The following CYREN variants were observed in gnomAD, a reference collection of about 807,000 sequenced individuals.
CYREN encodes the protein cell cycle regulator of NHEJ.
CYREN carries 7 observed loss-of-function variants against 9.7 expected under a neutral mutation model. The observed-to-expected ratio is 0.72, with a 90% CI of 0.41 to 1.36. The LOEUF (loss-of-function observed/expected upper bound fraction) is 1.36, where lower values mean the gene tolerates loss of function less well. Among genes scored for constraint, CYREN ranks in the 40% most tolerant of loss-of-function variants. CYREN has a pLI of 0.01. For synonymous variants in CYREN, 76 were observed against 77.9 expected, an observed-to-expected ratio of 0.98 and a Z score of 0.13; for missense variants, 215 against 198.1, an observed-to-expected ratio of 1.09 and a Z score of -0.51.
At chr7:135,122,268 G>A (rs954859349) in intron 2 of CYREN, among the ~76,000 whole-genome samples, 10 of 152,240 alleles carry the variant, frequency 6.6e-5, no homozygotes, top group Admixed American at 2.6e-4. Context: ...GACTGTGGCT[G>A]ACTGTGGCCA....
At chr7:135,094,344 A>G (rs922073637) in exon 3 of CYREN, 1 of 456,584 alleles carries the variant, frequency 2.2e-6, no homozygotes, top group Non-Finnish European at 4.4e-6. Context: ...GAAGAGACAG[A>G]CGAATCCAGG....
At chr7:135,154,064 ATT>A (rs1829728049) in intron 2 of CYREN, among the ~76,000 whole-genome samples, 1 of 151,530 alleles carries the variant, frequency 6.6e-6, no homozygotes, top group South Asian at 2.1e-4. Flanking sequence ...ATCTTGGGGG[ATT>A]TTGTGTTTCC....
chr7:135,167,094 G>A, intron 3 of CYREN: 1 of 985,336 alleles, frequency 1.0e-6, no homozygotes, highest in Non-Finnish European at 1.2e-6. Flanking sequence ...CGGGAGAGAA[G>A]CAAGCAAAGG....
intron 2 of CYREN, among the ~76,000 whole-genome samples, chr7:135,108,692 T>C (rs1825147790): frequency 6.6e-6 from 1 of 152,216 alleles, no homozygotes; most frequent in South Asian, 2.1e-4. Context: ...TCTTCTTGTA[T>C]AGAATCTTGC....
rs764931199 is a variant in CYREN at position 135,151,861 on chromosome 7, G to T, written n.356+16888C>A. Among the ~76,000 whole-genome samples, 4 of 152,138 alleles carry T rather than the reference G, an allele frequency of 2.6e-5. No homozygotes were observed. The highest frequency in any genetic ancestry group is 5.9e-5 in the Non-Finnish European group (4 of 68,024). On this transcript the variant is annotated intron_variant and non_coding_transcript_variant, in intron 2 of 2. Transcript: ENST00000459937. This position sits in a 1 kb window ranked among gnomAD's most constrained non-coding sequence, Gnocchi z 4.3. ...AACCCATGCTCCTTACCACCACACT[G>T]TGCTACCTCTCAACAGGCAGCTGCA...
chr7:135,159,556 G>A (rs1410541178), intron 2 of CYREN, among the ~76,000 whole-genome samples: 1 of 152,198 alleles, frequency 6.6e-6, no homozygotes, highest in African/African-American at 2.4e-5. Context: ...ACTCTTGAGT[G>A]ACAGTGGTCA....
intron 2 of CYREN, chr7:135,128,604 TG>T: frequency 1.3e-6 from 1 of 778,648 alleles, no homozygotes; most frequent in East Asian, 2.4e-5. Flanking sequence ...ATCTGCTCTA[TG>T]GGAAGAACAC....
At chr7:135,120,542 A>G (rs1237982334) in intron 2 of CYREN, among the ~76,000 whole-genome samples, 2 of 152,252 alleles carry the variant, frequency 1.3e-5, no homozygotes, top group African/African-American at 4.8e-5. Flanking sequence ...GGAAAGAGAA[A>G]ACAAAAAACA....
chr7:135,127,256 A>G (rs1331307356), intron 2 of CYREN, among the ~76,000 whole-genome samples: 1 of 152,220 alleles, frequency 6.6e-6, no homozygotes, highest in Non-Finnish European at 1.5e-5. Flanking sequence ...GCCAACAAGC[A>G]TATGTAAAAA....
chr7:135,163,325 T>C (rs1829995926), downstream of CYREN, among the ~76,000 whole-genome samples: 1 of 152,158 alleles, frequency 6.6e-6, no homozygotes, highest in African/African-American at 2.4e-5. Flanking sequence ...GGATAAAAGG[T>C]TATCTTTTTT....
At chr7:135,161,538 GCA>G (rs1829938124), downstream of CYREN, among the ~76,000 whole-genome samples, 1 of 152,184 alleles carries the variant, frequency 6.6e-6, no homozygotes, top group African/African-American at 2.4e-5. The surrounding 1 kb of genome is among the most constrained non-coding windows in gnomAD (Gnocchi z 4.1). Context: ...CCCATTAAAA[GCA>G]CAGATATAGG....
intron 2 of CYREN, among the ~76,000 whole-genome samples, chr7:135,127,409 G>A (rs1378829878): frequency 7.2e-5 from 11 of 151,888 alleles, no homozygotes; most frequent in African/African-American, 1.9e-4. Flanking sequence ...AAAATTAGCC[G>A]GGGTGTGGTG....
chr7:135,123,584 A>T lies in CYREN; in HGVS notation n.357-29002T>A, dbSNP rs192593710. ...CATGAGAAGATCAACCCCAAGACAC[A>T]TAATCTTCAGATTCTCTAAGGTCAA... is the stretch of plus-strand genomic sequence containing the variant. On this transcript the variant is annotated intron_variant and non_coding_transcript_variant, in intron 2 of 2. Coordinates refer to the CYREN transcript ENST00000459937. 1.0e-3 allele frequency among the ~76,000 whole-genome samples: 158 copies of T among 152,290 alleles called. 6 individuals carry two copies. The highest frequency in any genetic ancestry group is 0.01 in the Admixed American group (156 of 15,296).
At chr7:135,119,597 G>A (rs912903036) in intron 2 of CYREN, among the ~76,000 whole-genome samples, 1 of 151,794 alleles carries the variant, frequency 6.6e-6, no homozygotes. Context: ...AGTCAGAGAG[G>A]CTGGGCACAG....
chr7:135,129,366 G>A lies in CYREN; in HGVS notation n.357-34784C>T, dbSNP rs1475665188. 4.4e-6 allele frequency: 4 copies of A among 899,620 alleles called. No homozygotes were observed. The African/African-American group carries it at 4.9e-5, about 11-fold the overall frequency. The allele number at this position is 899,620 out of a possible 1,614,324, so 55.7% of individuals were successfully genotyped here. On this transcript the variant is annotated intron_variant and non_coding_transcript_variant, in intron 2 of 2. Transcript: ENST00000459937. The stretch of plus-strand genomic sequence containing the variant: ...AGACTTACTAAATGAATACCTGCAA[G>A]CAGATAAGGCCAATAAAAGACTTTT...
At chr7:135,094,921 T>G (rs894058902) in intron 2 of CYREN, among the ~76,000 whole-genome samples, 2 of 152,216 alleles carry the variant, frequency 1.3e-5, no homozygotes, top group African/African-American at 2.4e-5. Context: ...CAGAATCCCT[T>G]AAAGACTGGG....
At chr7:135,167,212 C>T (rs999361613) in intron 3 of CYREN, 49 of 985,278 alleles carry the variant, frequency 5.0e-5, no homozygotes, top group Admixed American at 6.1e-5. Context: ...CATGCCTTAG[C>T]ACTAGGAAAA....
intron 2 of CYREN, chr7:135,135,242 A>T: frequency 6.6e-7 from 1 of 1,526,680 alleles, no homozygotes; most frequent in Non-Finnish European, 8.8e-7. Flanking sequence ...TTATATCTGA[A>T]GTTCCAAAGG....
intron 2 of CYREN, among the ~76,000 whole-genome samples, chr7:135,158,516 G>A (rs758364993): frequency 2.0e-5 from 3 of 152,234 alleles, no homozygotes; most frequent in Non-Finnish European, 4.4e-5. Flanking sequence ...CCCATGGCAG[G>A]GCAGGGGGTC....
Sources: gnomAD v4.1 joint callset for allele counts (sites outside exome capture counted in the v4.1 genomes callset) on GRCh38, gnomAD v4.1.1 for gene constraint, Gnocchi (gnomAD v3.1) non-coding constraint, MANE v1.5 for transcripts, NCBI Gene and HGNC (gene_info 2026-07-23, HGNC 2026-07-21) for gene names.